Variants in SERTAD3 observed in about 807,000 individuals in gnomAD.
The protein encoded by SERTAD3 is SERTA domain-containing protein 3.
In SERTAD3, 6 loss-of-function variants were observed where a neutral mutation model predicts 11.9. That is an observed-to-expected ratio of 0.50 (90% CI 0.28 to 0.99). SERTAD3 has a LOEUF of 0.99. Among genes scored for constraint, SERTAD3 ranks in the 50% least tolerant of loss-of-function variants. SERTAD3 has a pLI of 0.11. For synonymous variants in SERTAD3, 101 were observed against 98.9 expected (o/e 1.02, Z -0.13); for missense variants, 261 against 240.9 (o/e 1.08, Z -0.55).
In SERTAD3 at chr19:40,441,355, G is replaced by T; in HGVS notation, c.*135C>A. 1 of 770,162 alleles carries T rather than the reference G, an allele frequency of 1.3e-6. No homozygotes were observed. The highest frequency in any genetic ancestry group is 2.1e-6 in the Non-Finnish European group (1 of 472,552). The allele number at this position is 770,162 out of a possible 1,614,324, so 47.7% of individuals were successfully genotyped here. A position where few individuals can be genotyped will look rare whatever the true frequency, so the allele number is the denominator to read the frequency against. On this transcript the variant is annotated 3_prime_UTR_variant, in exon 2 of 2. Transcript: ENST00000322354. ...ACACACACATGCAAGACAGTTTGTG[G>T]AACCCTGAAATGGGAACAAAGGAGG...
At position 40,441,276 on chromosome 19, in the gene SERTAD3, G is replaced by C; in HGVS notation, c.*214C>G. The C allele has an allele frequency of 2.0e-6, 1 of 504,852 alleles. No homozygotes were observed. The highest frequency in any genetic ancestry group is 3.5e-6 in the Non-Finnish European group (1 of 284,308). The allele number at this position is 504,852 out of a possible 1,614,324, so 31.3% of individuals were successfully genotyped here. Reference sequence around the variant, plus strand: ...GAGTCTCGTTAAGGCATTTGGAATAGATAAATTAATTCAGGAAGACCCACC... The same window carrying C: ...GAGTCTCGTTAAGGCATTTGGAATACATAAATTAATTCAGGAAGACCCACC... On this transcript the variant is annotated 3_prime_UTR_variant, in exon 2 of 2. Coordinates refer to ENST00000322354, the MANE Select transcript of SERTAD3 (RefSeq NM_203344.3).
Position 40,442,104 on chromosome 19 carries a change from G to A in SERTAD3, c.-6-18C>T. 2 of 1,399,982 alleles carry A rather than the reference G, an allele frequency of 1.4e-6. No homozygotes were observed. Among genetic ancestry groups the A allele is most frequent in the East Asian group, 2.6e-5 (1 of 38,616 alleles). 86.7% of individuals were successfully genotyped at this position (1,399,982 alleles called of 1,614,324 possible). ...ATGATGCCCTGTAGAGAGAAGAGGCGCATAGGGGAAGGTCAGACACCAGAC... is the reference window on the plus strand; with the variant it reads ...ATGATGCCCTGTAGAGAGAAGAGGCACATAGGGGAAGGTCAGACACCAGAC... On this transcript the variant is annotated intron_variant, in intron 1 of 1. Coordinates refer to ENST00000322354, the MANE Select transcript of SERTAD3 (RefSeq NM_203344.3).
At position 40,441,205 on chromosome 19, in the gene SERTAD3, A is replaced by T. The variant is rs773723615; in HGVS notation, c.*285T>A. On this transcript the variant is annotated 3_prime_UTR_variant, in exon 2 of 2. Transcript: ENST00000322354. ...TCACAGGGGAGTGGGAACTAGCAGG[A>T]AAGGTGGAAGAAATGTGTAAGTGGA... 1 of 290,320 alleles carries T rather than the reference A, an allele frequency of 3.4e-6. No homozygotes were observed. Among genetic ancestry groups the T allele is most frequent in the Non-Finnish European group, 6.5e-6 (1 of 153,496 alleles). 18.0% of individuals were successfully genotyped at this position (290,320 alleles called of 1,614,324 possible). A position where few individuals can be genotyped will look rare whatever the true frequency, so the allele number is the denominator to read the frequency against.
chr19:40,443,146 CTCAA>C (rs1298909108), intron 1 of SERTAD3, among the ~76,000 whole-genome samples: 3 of 151,836 alleles, frequency 2.0e-5, no homozygotes, highest in African/African-American at 7.3e-5. Flanking sequence ...GGAGGTCCCA[CTCAA>C]TCAGACCGCG....
intron 1 of SERTAD3, 39 bp from the exon 2 acceptor site, chr19:40,442,125 C>T (rs1238389016): frequency 1.5e-6 from 2 of 1,302,788 alleles, no homozygotes; most frequent in Non-Finnish European, 2.0e-6. Context: ...GGTCAGACAC[C>T]AGACACCGTA....
At chr19:40,442,664 C>G (rs1330425598) in intron 1 of SERTAD3, 1 of 152,312 alleles carries the variant, frequency 6.6e-6, no homozygotes, top group African/African-American at 2.4e-5. Context: ...TGCCACGTAT[C>G]TATAGGGCCC....
Position 40,441,684 on chromosome 19 carries a change from A to G in SERTAD3, c.397T>C (p.Phe133Leu). The stretch of plus-strand genomic sequence containing the variant: ...TACCGGGAGCTCAGAGCTTCTAAGA[A>G]GACTGGATCAGGCTGGGGTGGCACT... ...NEVPPQPDPV[F>L]LEALSSRYLG... The change falls in exon 2 of 2, where the codon TTC becomes CTC. Residue 133 changes from phenylalanine (F) to leucine (L), a missense_variant. Coordinates refer to ENST00000322354, the MANE Select transcript of SERTAD3 (RefSeq NM_203344.3). 6.2e-7 allele frequency: 1 copy of G among 1,614,164 alleles called. No homozygotes were observed. Among genetic ancestry groups the G allele is most frequent in the Non-Finnish European group, 8.5e-7 (1 of 1,180,010 alleles).
chr19:40,443,560 A>G (rs1350035553), intron 1 of SERTAD3: 2 of 150,830 alleles, frequency 1.3e-5, no homozygotes, highest in Non-Finnish European at 3.0e-5. Context: ...TTCTCCTTCC[A>G]AACTGCCCTT....
chr19:40,440,918 G>T lies in SERTAD3; in HGVS notation c.*572C>A, dbSNP rs1031712137. On this transcript the variant is annotated 3_prime_UTR_variant, in exon 2 of 2. Coordinates refer to ENST00000322354, the MANE Select transcript of SERTAD3 (RefSeq NM_203344.3). ...AAAAAAAAAAGCCACCACAAACTCTGCCTTTCTTTTAAATAACCCGGCATG... is the reference window on the plus strand; with the variant it reads ...AAAAAAAAAAGCCACCACAAACTCTTCCTTTCTTTTAAATAACCCGGCATG... 3 of 147,504 alleles carry T rather than the reference G, an allele frequency of 2.0e-5. No homozygotes were observed. The highest frequency in any genetic ancestry group is 4.5e-5 in the Non-Finnish European group (3 of 67,188). The allele number at this position is 147,504 out of a possible 1,614,324, so 9.1% of individuals were successfully genotyped here.
rs1388459197 is a variant in SERTAD3, at chr19:40,444,265, C to CGACCCGCCAGTGCCAG, written c.-73_-58dup. On this transcript the variant is annotated 5_prime_UTR_variant, in exon 1 of 2. Transcript: ENST00000322354. ...ACCTCCTGGAACGCCCACAGCGTTG[C>CGACCCGCCAGTGCCAG]GACCCGCCAGTGCCAGGACCCACCA... 1.3e-5 allele frequency: 2 copies of CGACCCGCCAGTGCCAG among 152,370 alleles called. No individual in the cohort carries two copies. The highest frequency in any genetic ancestry group is 4.8e-5 in the African/African-American group (2 of 41,448). The allele number at this position is 152,370 out of a possible 1,614,324, so 9.4% of individuals were successfully genotyped here.
In SERTAD3 at chr19:40,441,497, C is replaced by A; in HGVS notation, c.584G>T (p.Gly195Val). ...ATCCCCTCTATCACAGTTTTAGGAC[C>A]CCAGAATGATTTCCATGATGTGATC... is the stretch of plus-strand genomic sequence containing the variant. ...ELDHIMEIIL[G>V]S The change falls in exon 2 of 2, where the codon GGG (glycine) becomes GTG (valine). Residue 195 changes from glycine (G) to valine (V), a missense_variant. Physicochemically the swap from Gly to Val is moderately radical, Grantham distance 109. Coordinates refer to ENST00000322354, the MANE Select transcript of SERTAD3 (RefSeq NM_203344.3). 1 of 1,604,950 alleles carries A rather than the reference C, an allele frequency of 6.2e-7. No homozygotes were observed. Among genetic ancestry groups the A allele is most frequent in the East Asian group, 2.2e-5 (1 of 44,768 alleles).
At position 40,441,419 on chromosome 19, in the gene SERTAD3, C is replaced by T. The variant is rs1241204560; in HGVS notation, c.*71G>A. 2.2e-6 allele frequency: 3 copies of T among 1,351,092 alleles called. No homozygotes were observed. In the South Asian group the frequency reaches 4.2e-5, roughly 19 times the overall value. The allele number at this position is 1,351,092 out of a possible 1,614,324, so 83.7% of individuals were successfully genotyped here. ...TTCGAGCCCCCACAAAAACACACACCCAGAGTTGCATTCAGGGATCCAGGC... is the reference window on the plus strand; with the variant it reads ...TTCGAGCCCCCACAAAAACACACACTCAGAGTTGCATTCAGGGATCCAGGC... On this transcript the variant is annotated 3_prime_UTR_variant, in exon 2 of 2. Coordinates refer to ENST00000322354, the MANE Select transcript of SERTAD3 (RefSeq NM_203344.3).
rs1230992195 is a variant in SERTAD3, at chr19:40,441,689, G to A, written c.392C>T (p.Pro131Leu). The A allele has an allele frequency of 6.2e-7, 1 of 1,614,062 alleles. No individual in the cohort carries two copies. The highest frequency in any genetic ancestry group is 8.5e-7 in the Non-Finnish European group (1 of 1,180,028). ...GGAGCTCAGAGCTTCTAAGAAGACT[G>A]GATCAGGCTGGGGTGGCACTTCATT... ...LQNEVPPQPD[P>L]VFLEALSSRY... The change falls in exon 2 of 2, where the codon CCA becomes CTA. Residue 131 changes from proline to leucine, a missense_variant. Transcript: ENST00000322354.
chr19:40,442,824 G>A (rs534608153), intron 1 of SERTAD3, among the ~76,000 whole-genome samples: 5 of 152,218 alleles, frequency 3.3e-5, no homozygotes, highest in Admixed American at 3.3e-4. Flanking sequence ...TCCCGCCTCA[G>A]CTTCCTGAGT....
chr19:40,442,489 C>T (rs1655708833), intron 1 of SERTAD3: 1 of 159,342 alleles, frequency 6.3e-6, no homozygotes, highest in South Asian at 2.0e-4. Context: ...GCACAGAGAC[C>T]TGGATTGGAA....
intron 1 of SERTAD3, chr19:40,442,689 G>A (rs951678192): frequency 6.6e-6 from 1 of 152,332 alleles, no homozygotes; most frequent in Non-Finnish European, 1.5e-5. Flanking sequence ...CACCGGAAGT[G>A]CTTAATGAAC....
Position 40,441,810 on chromosome 19 carries a change from G to A in SERTAD3, c.271C>T (p.Leu91=). 5 of 1,595,270 alleles carry A rather than the reference G, an allele frequency of 3.1e-6. No homozygotes were observed. The highest frequency in any genetic ancestry group is 1.1e-5 in the South Asian group (1 of 89,018). ...PLFLGEEDFS[L]SATIGSILRE... ...AGGATAGAGCCAATGGTGGCTGACA[G>A]GGAGAAATCCTCCTCGCCCAGGAAG... Residue 91 remains leucine (L), a synonymous_variant, in exon 2 of 2, where the codon CTG becomes TTG. Coordinates refer to ENST00000322354, the MANE Select transcript of SERTAD3 (RefSeq NM_203344.3).
At chr19:40,444,092 T>G (rs1010907689) in intron 1 of SERTAD3, 123 bp downstream of exon 1, 2 of 152,060 alleles carry the variant, frequency 1.3e-5, no homozygotes, top group Admixed American at 6.6e-5. Flanking sequence ...CTCCCTATCA[T>G]CACCCTGAAT....
At position 40,443,754 on chromosome 19, in the gene SERTAD3, T is replaced by A. The variant is rs976665859; in HGVS notation, c.-7+461A>T. The A allele has an allele frequency of 9.8e-5, 15 of 153,714 alleles. No homozygotes were observed. The East Asian group carries it at 2.9e-3, about 30-fold the overall frequency. 9.5% of individuals were successfully genotyped at this position (153,714 alleles called of 1,614,324 possible). On this transcript the variant is annotated intron_variant, in intron 1 of 1. Coordinates refer to ENST00000322354, the MANE Select transcript of SERTAD3 (RefSeq NM_203344.3). ...CTCCAAGACCCGAACATTGAACTCTTCCCGGCAACCTCCTTCCCCCGCCAG... is the reference window on the plus strand; with the variant it reads ...CTCCAAGACCCGAACATTGAACTCTACCCGGCAACCTCCTTCCCCCGCCAG...
Sources: allele counts gnomAD v4.1 joint callset (sites outside exome capture counted in the v4.1 genomes callset), GRCh38; gene constraint gnomAD v4.1.1; transcripts MANE v1.5; gene names NCBI Gene and HGNC (gene_info 2026-07-23, HGNC 2026-07-21).